Variants in FRMD4A observed in about 807,000 individuals in gnomAD.
The protein encoded by FRMD4A is FERM domain-containing protein 4A.
FRMD4A carries 29 observed loss-of-function variants against 129.1 expected under a neutral mutation model. The observed-to-expected ratio is 0.22, with a 90% CI of 0.17 to 0.31. FRMD4A has a LOEUF of 0.31. Ranked by LOEUF, FRMD4A falls within the 10% of genes least tolerant of loss-of-function variation. The pLI is 1.00. For synonymous variants in FRMD4A, 634 were observed against 571.6 expected, an observed-to-expected ratio of 1.11 and a Z score of -1.56; for missense variants, 1,272 against 1,375.8, an observed-to-expected ratio of 0.92 and a Z score of 1.19.
At chr10:13,707,769 A>AG (rs2087617377) in intron 12 of FRMD4A, 1 of 985,282 alleles carries the variant, frequency 1.0e-6, no homozygotes, top group Admixed American at 6.2e-5. Flanking sequence ...AAGAAAACCA[A>AG]GAGTTCTGTC....
intron 2 of FRMD4A, among the ~76,000 whole-genome samples, chr10:14,041,198 A>G (rs1833766271): frequency 6.6e-6 from 1 of 152,170 alleles, no homozygotes; most frequent in Admixed American, 6.5e-5. Flanking sequence ...ATCAGAGCAC[A>G]TGTCAAACAC....
chr10:14,010,574 CA>C (rs1391606399), intron 2 of FRMD4A, among the ~76,000 whole-genome samples: 1 of 142,194 alleles, frequency 7.0e-6, no homozygotes, highest in Non-Finnish European at 1.6e-5. Context: ...TCAAGGCTCT[CA>C]AAGGTTGCTG....
At chr10:14,172,478 C>T (rs1004493463) in intron 2 of FRMD4A, among the ~76,000 whole-genome samples, 2 of 152,170 alleles carry the variant, frequency 1.3e-5, no homozygotes, top group African/African-American at 4.8e-5. Context: ...GAGCCTGGGT[C>T]CTGATTATTT....
intron 2 of FRMD4A, among the ~76,000 whole-genome samples, chr10:14,017,908 C>A (rs1268957153): frequency 6.6e-6 from 1 of 152,026 alleles, no homozygotes; most frequent in East Asian, 1.9e-4. Flanking sequence ...TAGAGTATAC[C>A]CAACATCCTG....
intron 2 of FRMD4A, among the ~76,000 whole-genome samples, chr10:13,965,973 T>C (rs1007634326): frequency 6.6e-6 from 1 of 152,196 alleles, no homozygotes; most frequent in Non-Finnish European, 1.5e-5. Context: ...CTTTCCTACA[T>C]TTGTAACTTG....
At chr10:14,185,739 C>T (rs1205666381) in intron 2 of FRMD4A, among the ~76,000 whole-genome samples, 1 of 152,178 alleles carries the variant, frequency 6.6e-6, no homozygotes, top group South Asian at 2.1e-4. Context: ...GGGATGGCAA[C>T]AGCAGTAGAC....
chr10:14,090,019 A>G (rs1836568071), intron 2 of FRMD4A, among the ~76,000 whole-genome samples: 2 of 152,206 alleles, frequency 1.3e-5, no homozygotes, highest in Non-Finnish European at 2.9e-5. Context: ...GGATGGCAGC[A>G]CTCTGAGTGT....
chr10:14,090,359 G>A (rs913119187), intron 2 of FRMD4A, among the ~76,000 whole-genome samples: 12 of 152,328 alleles, frequency 7.9e-5, no homozygotes, highest in East Asian at 1.9e-4. Flanking sequence ...GATTAGGAGC[G>A]TAATTGGTAA....
intron 15 of FRMD4A, among the ~76,000 whole-genome samples, chr10:13,677,808 T>C (rs932391591): frequency 5.3e-5 from 8 of 152,192 alleles, no homozygotes; most frequent in Non-Finnish European, 1.0e-4. Context: ...CGTTTCATCA[T>C]TGAAAGAATT....
intron 2 of FRMD4A, chr10:13,971,529 C>G: frequency 2.1e-6 from 1 of 484,810 alleles, no homozygotes; most frequent in Non-Finnish European, 3.8e-6. Flanking sequence ...ATGTTAACTG[C>G]TCCCTGTTAA....
chr10:14,206,187 G>A (rs762925435), intron 2 of FRMD4A, among the ~76,000 whole-genome samples: 8 of 152,076 alleles, frequency 5.3e-5, no homozygotes, highest in Non-Finnish European at 1.2e-4. Flanking sequence ...TCTAAGAGAC[G>A]CCACATAACC....
intron 2 of FRMD4A, among the ~76,000 whole-genome samples, chr10:14,140,732 A>G (rs546523507): frequency 1.3e-5 from 2 of 152,150 alleles, no homozygotes; most frequent in Admixed American, 1.3e-4. Flanking sequence ...TTCAAAATCT[A>G]TGGGAATGGA....
intron 2 of FRMD4A, among the ~76,000 whole-genome samples, chr10:13,868,445 C>T (rs1364684743): frequency 2.0e-5 from 3 of 152,104 alleles, no homozygotes; most frequent in Non-Finnish European, 2.9e-5. Context: ...TCCTATTTTG[C>T]TCTATGACCT....
chr10:14,064,720 G>T (rs1323038467), intron 2 of FRMD4A, among the ~76,000 whole-genome samples: 2 of 152,100 alleles, frequency 1.3e-5, no homozygotes, highest in Non-Finnish European at 2.9e-5. Flanking sequence ...TGGGACTACA[G>T]GTGCTCACCA....
chr10:13,674,888 G>A (rs1350760709), intron 16 of FRMD4A, 23 bp downstream of exon 16: 15 of 1,611,980 alleles, frequency 9.3e-6, no homozygotes, highest in Non-Finnish European at 1.3e-5. Context: ...CAATTTCAAC[G>A]GGATGAGCTA....
intron 2 of FRMD4A, among the ~76,000 whole-genome samples, chr10:14,275,401 A>G (rs942945631): frequency 6.6e-6 from 1 of 152,198 alleles, no homozygotes; most frequent in Non-Finnish European, 1.5e-5. Flanking sequence ...GTGTATCGCA[A>G]CCTTATCTTT....
chr10:13,654,458 G>A lies in FRMD4A; in HGVS notation c.3008C>T (p.Thr1003Ile), dbSNP rs1191463691. ...GATGTGGTGGGGGCTGCTTGGGGGG[G>A]TGGCTCCAATTTCACTTGACGGTGT... The part of the protein sequence containing the change: ...SSTPSSEIGA[T>I]PPSSPHHILT... Residue 1003 changes from threonine (T) to isoleucine (I), a missense_variant, in exon 23 of 25, where the codon ACC becomes ATC. This residue lies in a region of FRMD4A where 972 missense variants were observed against 892.3 expected (regional missense o/e 1.09). Coordinates refer to ENST00000357447, the MANE Select transcript of FRMD4A (RefSeq NM_018027.5). 1.9e-6 allele frequency: 3 copies of A among 1,613,704 alleles called. No individual in the cohort carries two copies. The highest frequency in any genetic ancestry group is 1.7e-6 in the Non-Finnish European group (2 of 1,179,616).
intron 2 of FRMD4A, among the ~76,000 whole-genome samples, chr10:14,114,106 G>T (rs1215317115): frequency 6.6e-6 from 1 of 152,224 alleles, no homozygotes; most frequent in African/African-American, 2.4e-5. Context: ...TCTCCCTGTG[G>T]CTTCTCTGAA....
intron 3 of FRMD4A, among the ~76,000 whole-genome samples, chr10:13,851,237 G>T (rs911340593): frequency 6.6e-6 from 1 of 151,862 alleles, no homozygotes; most frequent in Non-Finnish European, 1.5e-5. Flanking sequence ...AAAAGAAAAA[G>T]AAAAAGAAAA....
Sources: allele counts gnomAD v4.1 joint callset (sites outside exome capture counted in the v4.1 genomes callset), GRCh38; gene constraint gnomAD v4.1.1; regional missense constraint gnomAD v4.1.1; transcripts MANE v1.5; gene names NCBI Gene and HGNC (gene_info 2026-07-23, HGNC 2026-07-21).